RAB36: variants seen among roughly 807,000 people sequenced by gnomAD.
The protein encoded by RAB36 is RAB36, member RAS oncogene family.
Under a neutral mutation model 39.3 loss-of-function variants are expected in RAB36, and 33 were observed. That is an observed-to-expected ratio of 0.84 (90% CI 0.64 to 1.12). The LOEUF (loss-of-function observed/expected upper bound fraction) is 1.12. RAB36 is among the 50% of genes most tolerant of loss of function. RAB36 has a pLI of 0.00. For missense variants in RAB36, 308 were observed against 355.3 expected, an observed-to-expected ratio of 0.87 and a Z score of 1.07; for synonymous variants, 133 against 140.2, an observed-to-expected ratio of 0.95 and a Z score of 0.36.
rs922235473 is a variant in RAB36 at position 23,161,965 on chromosome 22, C to T, written c.*401C>T. ...CAGTCAACCCTGCACTCTTTCCCAGCGATCTTGGATGTGTCCCCAGGATCC... is the reference window on the plus strand; with the variant it reads ...CAGTCAACCCTGCACTCTTTCCCAGTGATCTTGGATGTGTCCCCAGGATCC... On this transcript the variant is annotated 3_prime_UTR_variant, in exon 11 of 11. Coordinates refer to ENST00000263116, the MANE Select transcript of RAB36 (RefSeq NM_004914.5). 15 of 182,622 alleles carry T rather than the reference C, an allele frequency of 8.2e-5. No homozygotes were observed. Among genetic ancestry groups the T allele is most frequent in the Non-Finnish European group, 1.5e-4 (13 of 86,832 alleles). The allele number at this position is 182,622 out of a possible 1,614,324, so 11.3% of individuals were successfully genotyped here.
intron 5 of RAB36, chr22:23,153,439 G>A (rs911689854): frequency 2.5e-6 from 1 of 404,076 alleles, no homozygotes; most frequent in African/African-American, 2.2e-5. Flanking sequence ...GTCCCTCCCT[G>A]ACCTAGGCCT....
intron 4 of RAB36, 69 bp downstream of exon 4, chr22:23,152,595 GC>G: frequency 6.9e-7 from 1 of 1,457,192 alleles, no homozygotes; most frequent in Non-Finnish European, 9.6e-7. Context: ...TGCCTGGGTG[GC>G]CCAGATAATA....
At chr22:23,166,595 T>C (rs1258998749), downstream of RAB36, among the ~76,000 whole-genome samples, 1 of 152,112 alleles carries the variant, frequency 6.6e-6, no homozygotes, top group Non-Finnish European at 1.5e-5. Flanking sequence ...CTCTTTACAA[T>C]TCCCTTACCG....
chr22:23,150,323 A>G (rs1339272517), intron 3 of RAB36, among the ~76,000 whole-genome samples, 169 bp downstream of exon 3: 5 of 135,908 alleles, frequency 3.7e-5, no homozygotes, highest in Admixed American at 7.7e-5. Flanking sequence ...TTTTTTTGAG[A>G]CAGAGTCTCG....
In RAB36 at chr22:23,161,552, G is replaced by T. The variant is rs765845562; in HGVS notation, c.792G>T (p.Leu264=). ...ETQESKRPSS[L]GCC is the part of the protein sequence containing the mutation. The stretch of plus-strand genomic sequence containing the variant: ...AGGAGAGCAAGAGGCCCTCCAGCCT[G>T]GGCTGCTGCTAACTGGGGCCTGCGT... Residue 264 remains leucine (L), a synonymous_variant, in exon 11 of 11, where the codon CTG becomes CTT. Coordinates refer to ENST00000263116, the MANE Select transcript of RAB36 (RefSeq NM_004914.5). 1 of 1,611,248 alleles carries T rather than the reference G, an allele frequency of 6.2e-7. No homozygotes were observed. The highest frequency in any genetic ancestry group is 1.1e-5 in the South Asian group (1 of 90,824).
chr22:23,152,634 C>A, intron 4 of RAB36, 108 bp downstream of exon 4: 1 of 1,109,468 alleles, frequency 9.0e-7, no homozygotes, highest in Non-Finnish European at 1.4e-6. Context: ...ATGTGGCTTC[C>A]AGGAACTGCT....
At chr22:23,166,903 A>G (rs1408177726), downstream of RAB36, among the ~76,000 whole-genome samples, 1 of 152,110 alleles carries the variant, frequency 6.6e-6, no homozygotes, top group Non-Finnish European at 1.5e-5. Flanking sequence ...GAGTAGCAAG[A>G]GGCCACATTT....
At position 23,160,904 on chromosome 22, in the gene RAB36, C is replaced by T; in HGVS notation, c.645C>T (p.Ser215=). The T allele has an allele frequency of 6.2e-7, 1 of 1,613,828 alleles. No individual in the cohort carries two copies. Among genetic ancestry groups the T allele is most frequent in the Non-Finnish European group, 8.5e-7 (1 of 1,179,874 alleles). The change falls in exon 10 of 11, where the codon AGC becomes AGT. Residue 215 remains serine (S), a synonymous_variant. Coordinates refer to ENST00000263116, the MANE Select transcript of RAB36 (RefSeq NM_004914.5). ...KTGENVKAFF[S]RVAALAFEQS... ...GCGAGAACGTGAAGGCATTCTTCAG[C>T]CGCGTAGCCGCCCTGGCATTCGAGC...
At chr22:23,158,154 C>T (rs2071565896) in intron 7 of RAB36, 111 bp downstream of exon 7, 1 of 1,536,540 alleles carries the variant, frequency 6.5e-7, no homozygotes, top group African/African-American at 1.4e-5. Context: ...TGTGAGTGAC[C>T]AGGGCCCCTT....
intron 10 of RAB36, 116 bp from the exon 11 acceptor site, chr22:23,161,384 A>T: frequency 1.0e-6 from 1 of 979,168 alleles, no homozygotes; most frequent in East Asian, 2.6e-5. Context: ...TCAGGCCTTG[A>T]ACAGCAGGCC....
intron 3 of RAB36, 59 bp from the exon 4 acceptor site, chr22:23,152,398 TGTGA>T (rs932545103): frequency 6.5e-7 from 1 of 1,541,190 alleles, no homozygotes; most frequent in Admixed American, 1.7e-5. Flanking sequence ...AGGAAGGGGC[TGTGA>T]GTGTCTGAAG....
intron 8 of RAB36, 47 bp downstream of exon 8, chr22:23,159,026 C>T (rs767594699): frequency 1.3e-6 from 2 of 1,599,392 alleles, no homozygotes; most frequent in Admixed American, 1.7e-5. Flanking sequence ...GGGAAAATGC[C>T]TCCCCTTACA....
intron 4 of RAB36, 58 bp from the exon 5 acceptor site, chr22:23,152,975 A>T: frequency 1.6e-6 from 2 of 1,237,754 alleles, no homozygotes; most frequent in Non-Finnish European, 2.4e-6. Context: ...TTACAAGTGA[A>T]GCTTCCGGGC....
At chr22:23,147,262 A>G (rs1037686636) in intron 2 of RAB36, among the ~76,000 whole-genome samples, 18 of 152,210 alleles carry the variant, frequency 1.2e-4, no homozygotes, top group African/African-American at 3.4e-4. Context: ...TACAACCTCC[A>G]TAGGGGGCAG....
chr22:23,154,374 G>A (rs1293468309), intron 5 of RAB36, among the ~76,000 whole-genome samples: 1 of 152,242 alleles, frequency 6.6e-6, no homozygotes, highest in Non-Finnish European at 1.5e-5. Flanking sequence ...ACTCTGTCGA[G>A]ATAGTGCCCC....
rs1448378422 is a variant in RAB36, at chr22:23,150,072, C to T, written c.79C>T (p.Pro27Ser). The change falls in exon 3 of 11, where the codon CCG becomes TCG. Residue 27 changes from proline (P) to serine (S), a missense_variant. Coordinates refer to ENST00000263116, the MANE Select transcript of RAB36 (RefSeq NM_004914.5). ...VIASFPKWYT[P>S]EACLQLREHF... Reference sequence around the variant, plus strand: ...GTCTGTCTCTTTGCAGTGGTACACGCCGGAAGCCTGTTTGCAGCTCAGGGA... The same window carrying T: ...GTCTGTCTCTTTGCAGTGGTACACGTCGGAAGCCTGTTTGCAGCTCAGGGA... 3 of 1,609,174 alleles carry T rather than the reference C, an allele frequency of 1.9e-6. No homozygotes were observed. The South Asian group carries it at 3.3e-5, about 18-fold the overall frequency.
At position 23,165,266 on chromosome 22, in the gene RAB36, G is replaced by A. The variant is rs910420269; in HGVS notation, c.*3702G>A. Among the ~76,000 whole-genome samples the A allele has an allele frequency of 6.6e-6, 1 of 152,204 alleles. No homozygotes were observed. Among genetic ancestry groups the A allele is most frequent in the Non-Finnish European group, 1.5e-5 (1 of 68,038 alleles). ...GTTCCCAGCAGACAGATTGCACTCTGACCCAGATGCCACCACACGAAACTT... is the reference window on the plus strand; with the variant it reads ...GTTCCCAGCAGACAGATTGCACTCTAACCCAGATGCCACCACACGAAACTT... On this transcript the variant is annotated 3_prime_UTR_variant, in exon 11 of 11. Coordinates refer to ENST00000263116, the MANE Select transcript of RAB36 (RefSeq NM_004914.5).
Position 23,163,781 on chromosome 22 carries a change from T to C in RAB36, c.*2217T>C, listed in dbSNP as rs968735801. On this transcript the variant is annotated 3_prime_UTR_variant, in exon 11 of 11. Coordinates refer to ENST00000263116, the MANE Select transcript of RAB36 (RefSeq NM_004914.5). Reference sequence around the variant, plus strand: ...CTGCACAGCTAGTGTTGATGGCTTGTTTGTTGTTTTCACCAGAGTGAGCTC... The same window carrying C: ...CTGCACAGCTAGTGTTGATGGCTTGCTTGTTGTTTTCACCAGAGTGAGCTC... The C allele has an allele frequency of 6.6e-6, 1 of 152,116 alleles. No homozygotes were observed. The highest frequency in any genetic ancestry group is 2.4e-5 in the African/African-American group (1 of 41,414). The allele number at this position is 152,116 out of a possible 1,614,324, so 9.4% of individuals were successfully genotyped here.
intron 3 of RAB36, 138 bp from the exon 4 acceptor site, chr22:23,152,323 C>G (rs926087849): frequency 2.4e-6 from 2 of 819,664 alleles, no homozygotes; most frequent in Admixed American, 1.9e-5. Flanking sequence ...AACACAGTGT[C>G]TCAGCAGGGT....
Sources: gnomAD v4.1 joint callset for allele counts (sites outside exome capture counted in the v4.1 genomes callset) on GRCh38, gnomAD v4.1.1 for gene constraint, MANE v1.5 for transcripts, NCBI Gene and HGNC (gene_info 2026-07-23, HGNC 2026-07-21) for gene names.